EYS: variants seen among roughly 807,000 people sequenced by gnomAD.
The protein encoded by EYS is EGF-like photoreceptor maintenance factor, also known as protein eyes shut homolog.
In EYS, 250 loss-of-function variants were observed where a neutral mutation model predicts 282.1. That is an observed-to-expected ratio of 0.89 (90% confidence interval 0.80 to 0.98). The LOEUF (loss-of-function observed/expected upper bound fraction) is 0.98, where lower values mean the gene tolerates loss of function less well. Ranked by LOEUF, EYS falls within the 50% of genes least tolerant of loss-of-function variation. The probability of loss-of-function intolerance (pLI) is 0.00; values close to 1 mark genes in which losing one functional copy is unlikely to be tolerated. For synonymous variants in EYS, 1,355 were observed against 1,282.9 expected (o/e 1.06, Z -1.20); for missense variants, 4,016 against 3,709.0 (o/e 1.08, Z -2.15).
intron 26 of EYS, among the ~76,000 whole-genome samples, chr6:64,447,815 T>A (rs1775167776): frequency 6.6e-6 from 1 of 152,232 alleles, no homozygotes; most frequent in Admixed American, 6.5e-5. Context: ...CTTTTTTTAC[T>A]GAAAGCAATC....
At chr6:64,485,008 A>G (rs1407893832) in intron 26 of EYS, among the ~76,000 whole-genome samples, 1 of 151,640 alleles carries the variant, frequency 6.6e-6, no homozygotes, top group Non-Finnish European at 1.5e-5. Flanking sequence ...ACTTGATTGA[A>G]CAGTAGATGC....
At chr6:64,320,128 T>C (rs1346855147) in intron 29 of EYS, among the ~76,000 whole-genome samples, 2 of 151,994 alleles carry the variant, frequency 1.3e-5, no homozygotes, top group African/African-American at 4.8e-5. Context: ...TAAAAGATAT[T>C]GTTCCATTGT....
intron 1 of EYS, among the ~76,000 whole-genome samples, chr6:65,672,703 A>G (rs1768433456): frequency 6.6e-6 from 1 of 152,170 alleles, no homozygotes; most frequent in Non-Finnish European, 1.5e-5. Context: ...AACCATTGTA[A>G]AGATGCTCAA....
chr6:64,107,273 A>ATATATATATATT (rs1417054392), intron 31 of EYS, among the ~76,000 whole-genome samples: 1 of 83,902 alleles, frequency 1.2e-5, no homozygotes, highest in Non-Finnish European at 2.3e-5. Context: ...GTGTGTGTGT[A>ATATATATATATT]TATATATATA....
rs1770036582 is a variant in EYS at position 64,684,927 on chromosome 6, C to A, written c.3444-58682G>T. Among the ~76,000 whole-genome samples the A allele has an allele frequency of 4.6e-5, 7 of 151,942 alleles. No individual in the cohort carries two copies. The South Asian group carries it at 1.5e-3, about 32-fold the overall frequency. On this transcript the variant is annotated intron_variant, in intron 22 of 42. Coordinates refer to ENST00000503581, the MANE Select transcript of EYS (RefSeq NM_001142800.2). Reference sequence around the variant, plus strand: ...ATTAATAACATGATAAACCCAAATCCAACCATATAATTGTTATAATAAATT... The same window carrying A: ...ATTAATAACATGATAAACCCAAATCAAACCATATAATTGTTATAATAAATT...
At chr6:64,632,332 G>A (rs1252928727) in intron 22 of EYS, among the ~76,000 whole-genome samples, 2 of 151,824 alleles carry the variant, frequency 1.3e-5, no homozygotes, top group Non-Finnish European at 2.9e-5. Flanking sequence ...ATATATCTCT[G>A]TGAATAGTAC....
At chr6:64,358,084 A>G (rs1166163846) in intron 29 of EYS, among the ~76,000 whole-genome samples, 1 of 151,564 alleles carries the variant, frequency 6.6e-6, no homozygotes, top group Non-Finnish European at 1.5e-5. Flanking sequence ...ATGATGATGA[A>G]TTCCTGATTG....
intron 2 of EYS, among the ~76,000 whole-genome samples, 167 bp from the exon 3 acceptor site, chr6:65,496,160 C>T (rs1322839540): frequency 2.6e-5 from 4 of 151,696 alleles, no homozygotes; most frequent in Non-Finnish European, 5.9e-5. Context: ...AAATGACTAA[C>T]CTAGAATGAG....
intron 22 of EYS, among the ~76,000 whole-genome samples, chr6:64,633,995 T>C (rs1184229313): frequency 1.3e-5 from 2 of 152,158 alleles, no homozygotes; most frequent in African/African-American, 4.8e-5. Flanking sequence ...TCTTTGTTTG[T>C]TTGTTTGAGA....
chr6:64,388,574 C>T, intron 29 of EYS, 116 bp downstream of exon 29: 3 of 906,984 alleles, frequency 3.3e-6, no homozygotes, highest in South Asian at 2.2e-5. Flanking sequence ...TGAAACCATG[C>T]AGATGGCCCC....
chr6:64,265,051 A>G (rs1767709706), intron 30 of EYS, among the ~76,000 whole-genome samples: 1 of 151,180 alleles, frequency 6.6e-6, no homozygotes, highest in South Asian at 2.1e-4. Flanking sequence ...AAACAAAATT[A>G]TCTATTTTTC....
chr6:64,392,968 T>C (rs1402005659), intron 28 of EYS, among the ~76,000 whole-genome samples: 2 of 151,988 alleles, frequency 1.3e-5, no homozygotes, highest in Non-Finnish European at 2.9e-5. Flanking sequence ...CCCACAGAAA[T>C]ACAAACCACC....
chr6:64,133,982 T>C (rs1774077731), intron 31 of EYS, among the ~76,000 whole-genome samples: 1 of 152,058 alleles, frequency 6.6e-6, no homozygotes, highest in Non-Finnish European at 1.5e-5. Context: ...GCTTGAGCCA[T>C]GCAAAGATCT....
intron 19 of EYS, among the ~76,000 whole-genome samples, chr6:64,834,423 C>A (rs138620558): frequency 1.6e-4 from 25 of 151,800 alleles, no homozygotes; most frequent in African/African-American, 5.5e-4. Context: ...AATATAATGT[C>A]TACTGTTCTC....
intron 33 of EYS, among the ~76,000 whole-genome samples, chr6:64,039,126 G>A (rs1266590775): frequency 6.6e-6 from 1 of 151,914 alleles, no homozygotes; most frequent in Non-Finnish European, 1.5e-5. Context: ...ATACCTGACT[G>A]GCCTATTCTA....
At chr6:64,620,599 A>T (rs1767416554) in intron 23 of EYS, among the ~76,000 whole-genome samples, 1 of 152,230 alleles carries the variant, frequency 6.6e-6, no homozygotes, top group Non-Finnish European at 1.5e-5. Context: ...CATTAGTATG[A>T]AGAAACACGT....
intron 30 of EYS, among the ~76,000 whole-genome samples, chr6:64,290,818 A>T (rs1198049074): frequency 6.6e-6 from 1 of 151,496 alleles, no homozygotes; most frequent in African/African-American, 2.4e-5. Context: ...CTTACACAAG[A>T]TATTGACAAA....
chr6:65,492,698 A>G (rs1562219706), intron 4 of EYS, among the ~76,000 whole-genome samples: 1 of 152,184 alleles, frequency 6.6e-6, no homozygotes, highest in East Asian at 1.9e-4. Flanking sequence ...CGGAAAGAAG[A>G]GGTATAACTT....
rs372612381 is a variant in EYS at position 64,189,372 on chromosome 6, AAAG to A, written c.6424+41217_6424+41219del. Among the ~76,000 whole-genome samples the A allele has an allele frequency of 2.6e-3, 400 of 152,336 alleles. 2 individuals are homozygous for A. The highest frequency in any genetic ancestry group is 9.2e-3 in the African/African-American group (381 of 41,590). ...TTGGGATGTTTGGGAAAAAAAATCA[AAAG>A]AAGAATAACGTTTTGTGCTTTATGA... is the stretch of plus-strand genomic sequence containing the variant. On this transcript the variant is annotated intron_variant, in intron 31 of 42. Coordinates refer to ENST00000503581, the MANE Select transcript of EYS (RefSeq NM_001142800.2).
Sources: gnomAD v4.1 joint callset for allele counts (sites outside exome capture counted in the v4.1 genomes callset) on GRCh38, gnomAD v4.1.1 for gene constraint, MANE v1.5 for transcripts, NCBI Gene and HGNC (gene_info 2026-07-23, HGNC 2026-07-21) for gene names.